Variants in PXDNL observed in about 807,000 individuals in gnomAD.
PXDNL encodes the protein probable oxidoreductase PXDNL.
PXDNL carries 145 observed loss-of-function variants against 150.8 expected under a neutral mutation model. The observed-to-expected ratio is 0.96, with a 90% CI of 0.84 to 1.10. PXDNL has a LOEUF of 1.10. PXDNL is among the 50% of genes least tolerant of loss of function. The pLI is 0.00. For missense variants in PXDNL, 2,087 were observed against 1,873.9 expected, an observed-to-expected ratio of 1.11 and a Z score of -2.10; for synonymous variants, 757 against 725.7, an observed-to-expected ratio of 1.04 and a Z score of -0.69.
rs1807341089 is a variant in PXDNL, at chr8:51,377,047, AATTTC to A, written c.3558-2321_3558-2317del. ...TCTCTTTAAGTGCTAGAGCATCCTT[AATTTC>A]ATTTCATTCTGCTTTAATGTCACCA... is the stretch of plus-strand genomic sequence containing the variant. On this transcript the variant is annotated intron_variant, in intron 17 of 22. Coordinates refer to ENST00000356297, the MANE Select transcript of PXDNL (RefSeq NM_144651.5). Among the ~76,000 whole-genome samples the A allele has an allele frequency of 2.0e-5, 3 of 150,390 alleles. 1 individual carries two copies. In the South Asian group the frequency reaches 6.3e-4, roughly 32 times the overall value.
chr8:51,422,641 G>T (rs1202352810), intron 14 of PXDNL, among the ~76,000 whole-genome samples: 1 of 152,206 alleles, frequency 6.6e-6, no homozygotes, highest in African/African-American at 2.4e-5. Context: ...TATGAAATTT[G>T]TTCATTTTTA....
At chr8:51,678,710 A>C (rs1815680360) in intron 1 of PXDNL, among the ~76,000 whole-genome samples, 1 of 149,010 alleles carries the variant, frequency 6.7e-6, no homozygotes, top group African/African-American at 2.5e-5. Flanking sequence ...CACTCTGGGG[A>C]CTGTTGTGGG....
chr8:51,573,035 G>C (rs563429435), intron 3 of PXDNL, among the ~76,000 whole-genome samples: 1 of 151,994 alleles, frequency 6.6e-6, no homozygotes, highest in East Asian at 1.9e-4. Context: ...CAAAAGCCTA[G>C]AAAATATCAA....
intron 20 of PXDNL, among the ~76,000 whole-genome samples, chr8:51,345,026 G>A (rs1426247091): frequency 2.0e-5 from 3 of 152,128 alleles, no homozygotes; most frequent in African/African-American, 7.2e-5. Flanking sequence ...TGAAGAAATG[G>A]ATGCCAAAAA....
intron 5 of PXDNL, among the ~76,000 whole-genome samples, chr8:51,493,026 A>AC (rs1180707589): frequency 1.3e-5 from 2 of 151,886 alleles, no homozygotes; most frequent in Non-Finnish European, 2.9e-5. Context: ...ACTGGGAGGC[A>AC]CCCCCCAGTA....
intron 5 of PXDNL, among the ~76,000 whole-genome samples, chr8:51,493,496 AAGTTC>A (rs1190956952): frequency 6.6e-6 from 1 of 152,202 alleles, no homozygotes; most frequent in Non-Finnish European, 1.5e-5. Context: ...CTAAAGGAGG[AAGTTC>A]GAACCCATGG....
At position 51,740,890 on chromosome 8, in the gene PXDNL, A is replaced by G. The variant is rs1353788012; in HGVS notation, c.164+68291T>C. Reference sequence around the variant, plus strand: ...TATTTTACTGAAGATTTTCACATCAATGTTCATCTGAGATACTGGCCTGAA... The same window carrying G: ...TATTTTACTGAAGATTTTCACATCAGTGTTCATCTGAGATACTGGCCTGAA... On this transcript the variant is annotated intron_variant, in intron 1 of 22. Transcript: ENST00000356297. Among the ~76,000 whole-genome samples, 13 of 152,296 alleles carry G rather than the reference A, an allele frequency of 8.5e-5. No individual in the cohort carries two copies. In the East Asian group the frequency reaches 1.7e-3, roughly 20 times the overall value.
chr8:51,762,770 G>A (rs1294536746), intron 1 of PXDNL, among the ~76,000 whole-genome samples: 2 of 152,166 alleles, frequency 1.3e-5, no homozygotes, highest in African/African-American at 4.8e-5. Context: ...CCCGAGGGCT[G>A]TGTCACGGGC....
intron 4 of PXDNL, among the ~76,000 whole-genome samples, chr8:51,524,076 C>G (rs550737104): frequency 5.1e-4 from 77 of 152,320 alleles, no homozygotes; most frequent in African/African-American, 1.8e-3. Context: ...ACCACCCATA[C>G]GATGGGCTTG....
chr8:51,383,804 T>G (rs16919814), intron 17 of PXDNL, among the ~76,000 whole-genome samples: 7,132 of 152,110 alleles, frequency 0.047, 247 homozygotes, highest in African/African-American at 0.087. Context: ...GACCACAGTG[T>G]CAAGCCATAT....
intron 2 of PXDNL, among the ~76,000 whole-genome samples, chr8:51,648,548 C>T (rs1052915143): frequency 6.6e-6 from 1 of 152,176 alleles, no homozygotes; most frequent in African/African-American, 2.4e-5. Flanking sequence ...CCCACACCTT[C>T]GTTTCAGGCT....
At chr8:51,536,060 G>C (rs150075613) in intron 4 of PXDNL, among the ~76,000 whole-genome samples, 1 of 152,174 alleles carries the variant, frequency 6.6e-6, no homozygotes, top group Non-Finnish European at 1.5e-5. Context: ...CATGGTGATC[G>C]GGCCAGCAAC....
chr8:51,498,439 TTAAATAAA>T (rs34558249), intron 5 of PXDNL, among the ~76,000 whole-genome samples: 2 of 151,274 alleles, frequency 1.3e-5, no homozygotes, highest in Admixed American at 1.3e-4. Context: ...AATAAAAAAA[TTAAATAAA>T]TAAATAAATT....
At chr8:51,738,611 C>G (rs77840656) in intron 1 of PXDNL, among the ~76,000 whole-genome samples, 4 of 143,426 alleles carry the variant, frequency 2.8e-5, no homozygotes, top group African/African-American at 7.8e-5. Context: ...AACAACTTTA[C>G]GCTCATAAAC....
intron 2 of PXDNL, among the ~76,000 whole-genome samples, chr8:51,631,363 G>A (rs2130755734): frequency 6.6e-6 from 1 of 152,108 alleles, no homozygotes; most frequent in African/African-American, 2.4e-5. Flanking sequence ...GAAATAATCT[G>A]TACACCAAAC....
chr8:51,770,674 C>T (rs557558102), intron 1 of PXDNL, among the ~76,000 whole-genome samples: 1 of 152,292 alleles, frequency 6.6e-6, no homozygotes, highest in Non-Finnish European at 1.5e-5. Context: ...ACAGGTACAC[C>T]ATAGTTCTAA....
intron 14 of PXDNL, among the ~76,000 whole-genome samples, chr8:51,420,175 A>G (rs1172613307): frequency 6.6e-6 from 1 of 152,184 alleles, no homozygotes; most frequent in Non-Finnish European, 1.5e-5. Flanking sequence ...TACTTGTGTC[A>G]TTTATTCCAC....
At chr8:51,622,003 T>G (rs1814268611) in intron 2 of PXDNL, among the ~76,000 whole-genome samples, 1 of 151,492 alleles carries the variant, frequency 6.6e-6, no homozygotes, top group Non-Finnish European at 1.5e-5. Context: ...ATCAGTTGAC[T>G]GATTAACTGG....
rs777776885 is a variant in PXDNL at position 51,453,475 on chromosome 8, T to C, written c.1249+44A>G. The C allele has an allele frequency of 1.8e-5, 29 of 1,586,360 alleles. No individual in the cohort carries two copies. The South Asian group carries it at 3.2e-4, about 18-fold the overall frequency. ...TTAAGTTGAAAAATAATTTTCTGAGTGTGGCAGGAGGAACATTTCAATCAT... is the reference window on the plus strand; with the variant it reads ...TTAAGTTGAAAAATAATTTTCTGAGCGTGGCAGGAGGAACATTTCAATCAT... On this transcript the variant is annotated intron_variant, in intron 10 of 22. Coordinates refer to ENST00000356297, the MANE Select transcript of PXDNL (RefSeq NM_144651.5).
Sources: gnomAD v4.1 joint callset for allele counts (sites outside exome capture counted in the v4.1 genomes callset) on GRCh38, gnomAD v4.1.1 for gene constraint, MANE v1.5 for transcripts, NCBI Gene and HGNC (gene_info 2026-07-23, HGNC 2026-07-21) for gene names.